Variants in WSCD2 observed in about 807,000 individuals in gnomAD.
WSCD2 encodes the protein WSC domain sialate O sulfotransferase 2.
Under a neutral mutation model 55.7 loss-of-function variants are expected in WSCD2, and 28 were observed. The observed-to-expected ratio is 0.50, with a 90% CI of 0.37 to 0.69. The LOEUF is 0.69. WSCD2 is among the 30% of genes least tolerant of loss of function. The pLI is 0.00. For synonymous variants in WSCD2, 301 were observed against 301.9 expected, an observed-to-expected ratio of 1.00 and a Z score of 0.03; for missense variants, 616 against 762.1, an observed-to-expected ratio of 0.81 and a Z score of 2.26.
At chr12:108,236,896 C>T (rs1173102985) in intron 7 of WSCD2, among the ~76,000 whole-genome samples, 2 of 152,118 alleles carry the variant, frequency 1.3e-5, no homozygotes, top group Non-Finnish European at 2.9e-5. Context: ...ACCTCATTGT[C>T]CTAATGCAGA....
rs568812605 is a variant in WSCD2, at chr12:108,173,838, G to C, written c.-551-21444G>C. 3.5e-4 allele frequency among the ~76,000 whole-genome samples: 53 copies of C among 151,718 alleles called. 1 individual carries two copies. The South Asian group carries it at 5.4e-3, about 16-fold the overall frequency. On this transcript the variant is annotated intron_variant, in intron 1 of 8. Transcript: ENST00000547525. ...TGTGTGTGTGTGTGTGTGTGTGTGT[G>C]TGTGTGTGTGTGTGTGTCAGGGACT...
intron 1 of WSCD2, among the ~76,000 whole-genome samples, chr12:108,175,334 C>A (rs1880675983): frequency 6.6e-6 from 1 of 152,142 alleles, no homozygotes; most frequent in Non-Finnish European, 1.5e-5. Context: ...ACTTCTGTGG[C>A]CTCTGCACAG....
chr12:108,233,676 G>A (rs7134949), intron 7 of WSCD2, among the ~76,000 whole-genome samples: 4,323 of 152,214 alleles, frequency 0.028, 190 homozygotes, highest in African/African-American at 0.097. Context: ...AGCTGATTGG[G>A]GATTGCATTC....
At chr12:108,217,246 C>G (rs1171803369) in intron 4 of WSCD2, among the ~76,000 whole-genome samples, 2 of 152,156 alleles carry the variant, frequency 1.3e-5, no homozygotes, top group African/African-American at 4.8e-5. Context: ...GACACCAGAG[C>G]CTTTTGCAAA....
At chr12:108,188,391 A>G (rs995808602) in intron 1 of WSCD2, among the ~76,000 whole-genome samples, 5 of 152,166 alleles carry the variant, frequency 3.3e-5, no homozygotes, top group Non-Finnish European at 7.3e-5. Flanking sequence ...TGTTGCATCA[A>G]AGATCTGCAG....
chr12:108,200,441 T>G (rs925425971), intron 2 of WSCD2, among the ~76,000 whole-genome samples: 7 of 152,220 alleles, frequency 4.6e-5, no homozygotes, highest in Admixed American at 2.0e-4. Flanking sequence ...ATACTATTTC[T>G]TTCTTAAAAT....
chr12:108,170,998 C>A (rs990580566), intron 1 of WSCD2, among the ~76,000 whole-genome samples: 2 of 152,106 alleles, frequency 1.3e-5, no homozygotes, highest in Non-Finnish European at 2.9e-5. Flanking sequence ...AAGCCCTCAG[C>A]CAGGGTAAGG....
intron 1 of WSCD2, among the ~76,000 whole-genome samples, chr12:108,132,413 A>G (rs1875672472): frequency 6.6e-6 from 1 of 152,162 alleles, no homozygotes; most frequent in African/African-American, 2.4e-5. Flanking sequence ...TGTGAGCATA[A>G]CTTACATGAG....
chr12:108,207,481 T>C (rs1001173523), intron 3 of WSCD2, among the ~76,000 whole-genome samples: 1 of 149,490 alleles, frequency 6.7e-6, no homozygotes, highest in African/African-American at 2.5e-5. Context: ...GCAATTCTCC[T>C]GCCTCAGCCT....
At position 108,248,303 on chromosome 12, in the gene WSCD2, G is replaced by A. The variant is rs374517422; in HGVS notation, c.1658G>A (p.Arg553Gln). 5.1e-5 allele frequency: 83 copies of A among 1,614,086 alleles called. No individual in the cohort carries two copies. The African/African-American group carries it at 6.3e-4, about 12-fold the overall frequency. ...IKMVDAALKG[R>Q]NLTGVPDDYY... is the part of the protein sequence containing the mutation. ...ATGGTGGATGCAGCCCTCAAAGGGC[G>A]GAACCTAACGGGTGTCCCCGATGAC... Residue 553 changes from arginine to glutamine, a missense_variant, in exon 9 of 9, where the codon CGG becomes CAG. Around this residue, in one of 3 missense-constraint regions of WSCD2, gnomAD observed 234 missense variants for 264.6 expected, o/e 0.88. Transcript: ENST00000547525. This position sits in a 1 kb window ranked among gnomAD's most constrained non-coding sequence, Gnocchi z 4.3.
intron 1 of WSCD2, among the ~76,000 whole-genome samples, chr12:108,193,650 T>C (rs1023043893): frequency 1.5e-4 from 23 of 151,772 alleles, no homozygotes; most frequent in African/African-American, 5.6e-4. Context: ...GGTTAACGAA[T>C]GGATGGGTGG....
At chr12:108,169,476 A>G (rs1180958396) in intron 1 of WSCD2, among the ~76,000 whole-genome samples, 1 of 152,120 alleles carries the variant, frequency 6.6e-6, no homozygotes, top group African/African-American at 2.4e-5. Context: ...GGGCCTTGAC[A>G]GAAACGTCAA....
rs146708831 is a variant in WSCD2 at position 108,178,582 on chromosome 12, A to G, written c.-551-16700A>G. Among the ~76,000 whole-genome samples, 3 of 152,302 alleles carry G rather than the reference A, an allele frequency of 2.0e-5. No individual in the cohort carries two copies. In the East Asian group the frequency reaches 5.8e-4, roughly 29 times the overall value. ...ACATCTACATGCCAACGGGGCTTCA[A>G]TATTCTTTATCCGCTTATTTTTACA... is the stretch of plus-strand genomic sequence containing the variant. On this transcript the variant is annotated intron_variant, in intron 1 of 8. Coordinates refer to ENST00000547525, the MANE Select transcript of WSCD2 (RefSeq NM_014653.4).
intron 7 of WSCD2, among the ~76,000 whole-genome samples, chr12:108,237,695 T>C (rs1215635913): frequency 1.3e-5 from 2 of 152,240 alleles, no homozygotes; most frequent in Non-Finnish European, 2.9e-5. Flanking sequence ...TAAATGGAAT[T>C]TTCTCTACAT....
At chr12:108,175,420 T>C (rs73199531) in intron 1 of WSCD2, among the ~76,000 whole-genome samples, 9,234 of 152,276 alleles carry the variant, frequency 0.061, 288 homozygotes, top group Non-Finnish European at 0.079. Flanking sequence ...CCTTCTCTCA[T>C]CAGCTGCTTC....
chr12:108,196,227 AAC>A lies in WSCD2; in HGVS notation c.382+15_382+16del, dbSNP rs1482888198. 2 of 1,606,618 alleles carry A rather than the reference AAC, an allele frequency of 1.2e-6. No individual in the cohort carries two copies. The highest frequency in any genetic ancestry group is 1.7e-5 in the Admixed American group (1 of 58,982). On this transcript the variant is annotated intron_variant, in intron 2 of 8. Coordinates refer to ENST00000547525, the MANE Select transcript of WSCD2 (RefSeq NM_014653.4). ...GAGGAAGAGCGAGGTAAGAGCGAGG[AAC>A]ATCTGGACACTGAGGGGCTGGGGAG...
At chr12:108,209,934 T>C (rs1885905858) in intron 3 of WSCD2, among the ~76,000 whole-genome samples, 187 bp from the exon 4 acceptor site, 1 of 151,960 alleles carries the variant, frequency 6.6e-6, no homozygotes, top group Admixed American at 6.6e-5. Context: ...GGGTCTCCTG[T>C]CCCCTGAGGT....
chr12:108,160,203 G>C (rs1878922436), intron 1 of WSCD2, among the ~76,000 whole-genome samples: 1 of 152,158 alleles, frequency 6.6e-6, no homozygotes, highest in East Asian at 1.9e-4. Flanking sequence ...GGTGGGATGG[G>C]CTGATTCTAA....
At chr12:108,184,886 T>C (rs1445859936) in intron 1 of WSCD2, among the ~76,000 whole-genome samples, 1 of 152,186 alleles carries the variant, frequency 6.6e-6, no homozygotes, top group African/African-American at 2.4e-5. Flanking sequence ...GTGTTGGATC[T>C]CCAGGCTTTC....
Sources: gnomAD v4.1 joint callset for allele counts (sites outside exome capture counted in the v4.1 genomes callset) on GRCh38, gnomAD v4.1.1 for gene constraint, gnomAD v4.1.1 regional missense constraint, Gnocchi (gnomAD v3.1) non-coding constraint, MANE v1.5 for transcripts, NCBI Gene and HGNC (gene_info 2026-07-23, HGNC 2026-07-21) for gene names.